PLXDC2: variants seen among roughly 807,000 people sequenced by gnomAD.
The protein encoded by PLXDC2 is plexin domain-containing protein 2.
A neutral mutation model predicts 68.9 loss-of-function variants in PLXDC2; 40 were observed. The observed-to-expected ratio is 0.58, with a 90% CI of 0.45 to 0.76. The LOEUF (loss-of-function observed/expected upper bound fraction) is 0.76, where lower values mean the gene tolerates loss of function less well. Among genes scored for constraint, PLXDC2 ranks in the 30% least tolerant of loss-of-function variants. The probability of loss-of-function intolerance (pLI) is 0.00; values close to 1 mark genes in which losing one functional copy is unlikely to be tolerated. For synonymous variants in PLXDC2, 243 were observed against 234.2 expected (o/e 1.04, Z -0.34); for missense variants, 644 against 661.9 (o/e 0.97, Z 0.30).
intron 1 of PLXDC2, among the ~76,000 whole-genome samples, chr10:20,001,054 C>T (rs1834927610): frequency 6.6e-6 from 1 of 152,130 alleles, no homozygotes. Flanking sequence ...TTTAAAATGC[C>T]TTTGTGATTT....
intron 9 of PLXDC2, 22 bp from the exon 10 acceptor site, chr10:20,211,647 T>G: frequency 6.2e-7 from 1 of 1,612,006 alleles, no homozygotes; most frequent in Non-Finnish European, 8.5e-7. Flanking sequence ...TTTTCTGAAC[T>G]GCATTGTGGT....
intron 9 of PLXDC2, among the ~76,000 whole-genome samples, chr10:20,204,639 T>C (rs1253814507): frequency 6.6e-6 from 1 of 152,208 alleles, no homozygotes; most frequent in African/African-American, 2.4e-5. Context: ...TGTTTTTACA[T>C]ATAGAGCATA....
At chr10:19,817,841 A>G (rs1228362514) in intron 1 of PLXDC2, among the ~76,000 whole-genome samples, 1 of 152,178 alleles carries the variant, frequency 6.6e-6, no homozygotes, top group Non-Finnish European at 1.5e-5. Context: ...TGCCAGCTTC[A>G]CAGACAGGCC....
At chr10:19,846,621 C>T (rs142423749) in intron 1 of PLXDC2, among the ~76,000 whole-genome samples, 234 of 152,204 alleles carry the variant, frequency 1.5e-3, no homozygotes, top group African/African-American at 5.0e-3. Context: ...CTTACTTTAC[C>T]TCACCAAACT....
At chr10:20,243,603 C>A (rs1254557311) in intron 12 of PLXDC2, among the ~76,000 whole-genome samples, 1 of 152,062 alleles carries the variant, frequency 6.6e-6, no homozygotes, top group Non-Finnish European at 1.5e-5. Context: ...TCCGTCAGTT[C>A]ATGTGGACCA....
intron 1 of PLXDC2, among the ~76,000 whole-genome samples, chr10:19,929,101 A>G (rs1018828540): frequency 2.0e-5 from 3 of 149,500 alleles, no homozygotes; most frequent in Non-Finnish European, 4.4e-5. Flanking sequence ...TTGGCTGGGC[A>G]TGGTGGTTGG....
intron 12 of PLXDC2, among the ~76,000 whole-genome samples, chr10:20,230,348 A>G (rs1835344337): frequency 6.6e-6 from 1 of 152,228 alleles, no homozygotes; most frequent in East Asian, 1.9e-4. Flanking sequence ...TTTAAAGACA[A>G]GGAGAATTAA....
At chr10:19,863,382 T>C (rs998043366) in intron 1 of PLXDC2, among the ~76,000 whole-genome samples, 2 of 152,318 alleles carry the variant, frequency 1.3e-5, no homozygotes, top group African/African-American at 2.4e-5. Context: ...GGCTGGTACG[T>C]TGCACAGAGC....
At chr10:20,266,394 A>T (rs888054989) in intron 13 of PLXDC2, among the ~76,000 whole-genome samples, 2 of 151,834 alleles carry the variant, frequency 1.3e-5, no homozygotes, top group African/African-American at 4.8e-5. Flanking sequence ...ACAGAAAATG[A>T]TACAAGAACA....
intron 13 of PLXDC2, among the ~76,000 whole-genome samples, chr10:20,271,132 G>GACACACACACACACAC (rs55677642): frequency 4.1e-5 from 4 of 97,748 alleles, no homozygotes; most frequent in Non-Finnish European, 9.9e-5. Context: ...ACAAAAAACA[G>GACACACACACACACAC]ACACACACAC....
chr10:20,082,045 G>GGAAA (rs1836569074), intron 4 of PLXDC2, among the ~76,000 whole-genome samples: 1 of 9,614 alleles, frequency 1.0e-4, no homozygotes, highest in African/African-American at 5.9e-4. Context: ...AACTCCATCT[G>GGAAA]AAAAAAAAAA....
chr10:19,918,765 T>C (rs1440517779), intron 1 of PLXDC2, among the ~76,000 whole-genome samples: 1 of 152,236 alleles, frequency 6.6e-6, no homozygotes, highest in Non-Finnish European at 1.5e-5. Context: ...GAAGATTTTC[T>C]TACCTCAAAC....
At chr10:19,932,520 C>A (rs1833655467) in intron 1 of PLXDC2, among the ~76,000 whole-genome samples, 1 of 152,204 alleles carries the variant, frequency 6.6e-6, no homozygotes, top group Admixed American at 6.5e-5. Context: ...GTTTCACACA[C>A]TATACAGCGT....
chr10:19,973,314 A>ATATATATGTATACATATGTATGTG (rs1834390060), intron 1 of PLXDC2, among the ~76,000 whole-genome samples: 3 of 136,934 alleles, frequency 2.2e-5, no homozygotes, highest in African/African-American at 5.5e-5. Context: ...ATATACTCAC[A>ATATATATGTATACATATGTATGTG]TATATATGTA....
intron 4 of PLXDC2, among the ~76,000 whole-genome samples, chr10:20,085,861 T>A (rs537962220): frequency 6.6e-6 from 1 of 152,288 alleles, no homozygotes; most frequent in South Asian, 2.1e-4. Flanking sequence ...GTAAAAACTG[T>A]AGTTATAAAA....
intron 1 of PLXDC2, among the ~76,000 whole-genome samples, chr10:19,882,263 C>T (rs755782612): frequency 1.2e-4 from 19 of 152,118 alleles, no homozygotes; most frequent in Non-Finnish European, 2.6e-4. Context: ...GCCACTACTC[C>T]ACACAATAAA....
intron 4 of PLXDC2, among the ~76,000 whole-genome samples, chr10:20,094,555 A>ATT (rs11394925): frequency 0.067 from 10,165 of 151,380 alleles, 450 homozygotes; most frequent in Admixed American, 0.1. Flanking sequence ...GTTTTTCATT[A>ATT]TTTTTTTTTC....
rs1284547227 is a variant in PLXDC2, at chr10:19,959,623, AT to A, written c.113-42151del. Among the ~76,000 whole-genome samples the A allele has an allele frequency of 1.3e-5, 2 of 152,226 alleles. 1 individual carries two copies. Among genetic ancestry groups the A allele is most frequent in the African/African-American group, 4.8e-5 (2 of 41,452 alleles). On this transcript the variant is annotated intron_variant, in intron 1 of 13. Coordinates refer to ENST00000377252, the MANE Select transcript of PLXDC2 (RefSeq NM_032812.9). ...ATTTAGAAATATTCGTATCTGAGAT[AT>A]ATCACAGTGTAGAGTAAATAGCTTA... is the stretch of plus-strand genomic sequence containing the variant.
At chr10:19,975,083 G>A (rs887559986) in intron 1 of PLXDC2, among the ~76,000 whole-genome samples, 7 of 152,078 alleles carry the variant, frequency 4.6e-5, no homozygotes, top group African/African-American at 1.7e-4. Context: ...ATTTTCTCAT[G>A]GTATTTTTCT....
Sources: allele counts gnomAD v4.1 joint callset (sites outside exome capture counted in the v4.1 genomes callset), GRCh38; gene constraint gnomAD v4.1.1; transcripts MANE v1.5; gene names NCBI Gene and HGNC (gene_info 2026-07-23, HGNC 2026-07-21).